The following GALNT1 variants were observed in gnomAD, a reference collection of about 807,000 sequenced individuals.
GALNT1 encodes GalNAc transferase 1.
A neutral mutation model predicts 65.7 loss-of-function variants in GALNT1; 17 were observed. The observed-to-expected ratio is 0.26, with a 90% confidence interval of 0.18 to 0.39. The LOEUF is 0.39. GALNT1 is among the 10% of genes least tolerant of loss of function. GALNT1 has a pLI of 1.00. For synonymous variants in GALNT1, 210 were observed against 219.7 expected (o/e 0.96, Z 0.39); for missense variants, 460 against 672.8 (o/e 0.68, Z 3.50).
chr18:35,677,499 G>T, intron 3 of GALNT1, 92 bp from the exon 4 acceptor site: 2 of 992,364 alleles, frequency 2.0e-6, no homozygotes, highest in Admixed American at 5.2e-5. Flanking sequence ...AGAGCAAACT[G>T]CTTTTATTGT....
At chr18:35,681,368 A>G (rs1166603583) in intron 4 of GALNT1, among the ~76,000 whole-genome samples, 2 of 152,168 alleles carry the variant, frequency 1.3e-5, no homozygotes, top group Non-Finnish European at 2.9e-5. Context: ...GTATCGACTG[A>G]AAAGAAGACA....
chr18:35,650,883 A>T (rs2047303305), intron 1 of GALNT1, among the ~76,000 whole-genome samples: 1 of 152,180 alleles, frequency 6.6e-6, no homozygotes, highest in Non-Finnish European at 1.5e-5. Flanking sequence ...TCAGCTTAAG[A>T]AGATGATGAG....
At chr18:35,588,692 C>T (rs956012864) in intron 1 of GALNT1, among the ~76,000 whole-genome samples, 1 of 152,092 alleles carries the variant, frequency 6.6e-6, no homozygotes, top group African/African-American at 2.4e-5. Context: ...TCCTTCCCTC[C>T]CTTTCTGCTG....
chr18:35,626,578 T>C (rs965187615), intron 1 of GALNT1, among the ~76,000 whole-genome samples: 1 of 152,206 alleles, frequency 6.6e-6, no homozygotes, highest in Non-Finnish European at 1.5e-5. Context: ...CAGGATGCTT[T>C]TCACTGTAGT....
At chr18:35,621,233 C>T (rs2046847378) in intron 1 of GALNT1, among the ~76,000 whole-genome samples, 1 of 149,220 alleles carries the variant, frequency 6.7e-6, no homozygotes, top group Non-Finnish European at 1.5e-5. Flanking sequence ...GGCTGGAGTG[C>T]AGTAGTGGGA....
At chr18:35,616,911 G>A (rs1046522581) in intron 1 of GALNT1, among the ~76,000 whole-genome samples, 10 of 152,150 alleles carry the variant, frequency 6.6e-5, no homozygotes, top group African/African-American at 2.2e-4. Context: ...TGAAAGGGTT[G>A]TTATTAGGAT....
At chr18:35,617,260 C>T (rs2144080168) in intron 1 of GALNT1, among the ~76,000 whole-genome samples, 1 of 152,188 alleles carries the variant, frequency 6.6e-6, no homozygotes, top group Non-Finnish European at 1.5e-5. Flanking sequence ...TGGTAAAATG[C>T]TTGGCATATA....
At chr18:35,648,253 G>A (rs2047262225) in intron 1 of GALNT1, among the ~76,000 whole-genome samples, 1 of 152,110 alleles carries the variant, frequency 6.6e-6, no homozygotes, top group Non-Finnish European at 1.5e-5. Context: ...TTATGTGTAA[G>A]TATGGTATTC....
At chr18:35,623,434 C>G (rs2046880561) in intron 1 of GALNT1, among the ~76,000 whole-genome samples, 2 of 152,008 alleles carry the variant, frequency 1.3e-5, no homozygotes, top group Non-Finnish European at 2.9e-5. Context: ...TTAGGTTTCA[C>G]TGGACTTAAA....
intron 5 of GALNT1, among the ~76,000 whole-genome samples, chr18:35,685,230 G>A (rs770408826): frequency 1.3e-4 from 20 of 152,120 alleles, no homozygotes; most frequent in East Asian, 3.9e-4. Context: ...ACACACACAC[G>A]TGCACGTATG....
At position 35,683,404 on chromosome 18, in the gene GALNT1, G is replaced by C. The variant is rs2047815859; in HGVS notation, c.495G>C (p.Arg165Ser). The change falls in exon 5 of 12, where the codon AGG (arginine) becomes AGC (serine). Residue 165 changes from arginine to serine, a missense_variant. By Grantham distance (110) the Arg-to-Ser change is moderately radical. Coordinates refer to ENST00000269195, the MANE Select transcript of GALNT1 (RefSeq NM_020474.4). ...DDASERDFLKRPLESYVKKLK... is the reference protein window; with the variant it reads ...DDASERDFLKSPLESYVKKLK... Reference sequence around the variant, plus strand: ...TTCATTTTCCAGACTTTTTGAAAAGGCCTTTAGAGAGTTATGTGAAAAAAC... The same window carrying C: ...TTCATTTTCCAGACTTTTTGAAAAGCCCTTTAGAGAGTTATGTGAAAAAAC... The C allele has an allele frequency of 6.2e-7, 1 of 1,612,834 alleles. No individual in the cohort carries two copies. The highest frequency in any genetic ancestry group is 2.2e-5 in the East Asian group (1 of 44,848).
At chr18:35,692,468 C>T (rs755578506) in intron 9 of GALNT1, 148 bp downstream of exon 9, 109 of 516,936 alleles carry the variant, frequency 2.1e-4, no homozygotes, top group Admixed American at 7.6e-4. Flanking sequence ...CTTCTTACCA[C>T]GTAAGTCTAA....
At chr18:35,632,575 C>T (rs958033430) in intron 1 of GALNT1, among the ~76,000 whole-genome samples, 4 of 152,070 alleles carry the variant, frequency 2.6e-5, no homozygotes, top group Non-Finnish European at 5.9e-5. Context: ...ACTTAAATGT[C>T]AGACCTAAAA....
At chr18:35,635,979 A>G (rs2047083607) in intron 1 of GALNT1, among the ~76,000 whole-genome samples, 1 of 152,168 alleles carries the variant, frequency 6.6e-6, no homozygotes, top group Admixed American at 6.5e-5. Flanking sequence ...TGGAAATACC[A>G]GTTTTGCAGA....
At chr18:35,623,746 A>G (rs985570511) in intron 1 of GALNT1, among the ~76,000 whole-genome samples, 2 of 151,976 alleles carry the variant, frequency 1.3e-5, no homozygotes, top group Admixed American at 6.6e-5. Context: ...ATTTTACATG[A>G]TTCTGTGTGG....
In GALNT1 at chr18:35,673,642, T is replaced by C. The variant is rs116661412; in HGVS notation, c.315-3949T>C. Reference sequence around the variant, plus strand: ...TTTTAGAGATGGAGTCTCACTTTGTTGCCCAGGCTGGTCTCAAACTCTTGG... The same window carrying C: ...TTTTAGAGATGGAGTCTCACTTTGTCGCCCAGGCTGGTCTCAAACTCTTGG... On this transcript the variant is annotated intron_variant, in intron 3 of 11. Coordinates refer to ENST00000269195, the MANE Select transcript of GALNT1 (RefSeq NM_020474.4). Among the ~76,000 whole-genome samples the C allele has an allele frequency of 6.1e-3, 935 of 152,308 alleles. 10 individuals carry two copies. Among genetic ancestry groups the C allele is most frequent in the African/African-American group, 0.021 (862 of 41,568 alleles).
chr18:35,621,250 C>T (rs2046848116), intron 1 of GALNT1, among the ~76,000 whole-genome samples: 1 of 124,548 alleles, frequency 8.0e-6, no homozygotes, highest in African/African-American at 3.5e-5. Context: ...GGGATCACAG[C>T]TCACTGCAAC....
rs78181148 is a variant in GALNT1, at chr18:35,593,184, G to A, written c.-104+11322G>A. 8.5e-3 allele frequency among the ~76,000 whole-genome samples: 1,296 copies of A among 152,258 alleles called. 21 individuals are homozygous for A. The highest frequency in any genetic ancestry group is 0.046 in the East Asian group (237 of 5,184). On this transcript the variant is annotated intron_variant, in intron 1 of 11. Transcript: ENST00000269195. ...GGTGTTGAACCATAGGGAGGTCTACGTGATTTCCTCATTAGGAGGATTAGA... is the reference window on the plus strand; with the variant it reads ...GGTGTTGAACCATAGGGAGGTCTACATGATTTCCTCATTAGGAGGATTAGA...
At chr18:35,704,937 C>T (rs774889982) in intron 11 of GALNT1, among the ~76,000 whole-genome samples, 1 of 152,188 alleles carries the variant, frequency 6.6e-6, no homozygotes, top group Non-Finnish European at 1.5e-5. Flanking sequence ...AGCCACTGCA[C>T]CCAGCCTGGC....
Sources: allele counts gnomAD v4.1 joint callset (sites outside exome capture counted in the v4.1 genomes callset), GRCh38; gene constraint gnomAD v4.1.1; transcripts MANE v1.5; gene names NCBI Gene and HGNC (gene_info 2026-07-23, HGNC 2026-07-21).